The following FBXW4 variants were observed in gnomAD, a reference collection of about 807,000 sequenced individuals.
The protein encoded by FBXW4 is F-box and WD repeat domain containing 4.
In FBXW4, 40 loss-of-function variants were observed where a neutral mutation model predicts 61.8. That is an observed-to-expected ratio of 0.65 (90% CI 0.50 to 0.84). FBXW4 has a LOEUF of 0.84. FBXW4 is among the 40% of genes least tolerant of loss of function. The probability of loss-of-function intolerance (pLI) is 0.00; values close to 1 mark genes in which losing one functional copy is unlikely to be tolerated. For missense variants in FBXW4, 672 were observed against 753.8 expected, an observed-to-expected ratio of 0.89 and a Z score of 1.27; for synonymous variants, 311 against 313.8, an observed-to-expected ratio of 0.99 and a Z score of 0.10.
intron 5 of FBXW4, among the ~76,000 whole-genome samples, chr10:101,663,448 A>T (rs1204778895): frequency 6.6e-6 from 1 of 152,244 alleles, no homozygotes; most frequent in African/African-American, 2.4e-5. Flanking sequence ...TACTGTATTC[A>T]GCTGGAAATA....
chr10:101,668,735 G>A (rs2064331041), intron 4 of FBXW4, among the ~76,000 whole-genome samples: 1 of 152,106 alleles, frequency 6.6e-6, no homozygotes, highest in African/African-American at 2.4e-5. Context: ...CACTCACAGA[G>A]CCCTCTCAGC....
chr10:101,642,114 C>T (rs1214053842), intron 5 of FBXW4, among the ~76,000 whole-genome samples: 3 of 151,956 alleles, frequency 2.0e-5, no homozygotes, highest in East Asian at 3.9e-4. Context: ...TGCAGTGAGC[C>T]GAGACTGTGC....
chr10:101,642,675 G>A (rs2064063693), intron 5 of FBXW4, among the ~76,000 whole-genome samples: 3 of 152,144 alleles, frequency 2.0e-5, no homozygotes, highest in African/African-American at 7.2e-5. Context: ...CTCCTTGGTA[G>A]GCAAATAACA....
At chr10:101,641,739 T>TA (rs200687505) in intron 5 of FBXW4, among the ~76,000 whole-genome samples, 1,860 of 151,896 alleles carry the variant, frequency 0.012, 17 homozygotes, top group Non-Finnish European at 0.018. Flanking sequence ...CATTTGAAGT[T>TA]GTAAATCAGA....
At chr10:101,627,109 G>A (rs1440159585) in intron 5 of FBXW4, among the ~76,000 whole-genome samples, 1 of 140,828 alleles carries the variant, frequency 7.1e-6, no homozygotes, top group African/African-American at 2.6e-5. Flanking sequence ...GGCTGGTCTT[G>A]AGCTCCTGGG....
chr10:101,612,546 G>A (rs2063796829), intron 6 of FBXW4, 69 bp from the exon 7 acceptor site: 3 of 1,395,390 alleles, frequency 2.1e-6, no homozygotes, highest in Non-Finnish European at 2.8e-6. Flanking sequence ...ACCTTCAGAA[G>A]GCATCAGACC....
intron 5 of FBXW4, among the ~76,000 whole-genome samples, chr10:101,659,198 G>A (rs1425727831): frequency 6.6e-6 from 1 of 152,090 alleles, no homozygotes; most frequent in Non-Finnish European, 1.5e-5. Context: ...ACCTGCAGAG[G>A]GGTTGCCCCA....
chr10:101,611,871 T>C lies in FBXW4; in HGVS notation c.1443-102A>G. ...GGCTGAGGGGAGCGTTAAGGAGCCATTCCGGGATGGAAGAGAAAGAAGCCT... is the reference window on the plus strand; with the variant it reads ...GGCTGAGGGGAGCGTTAAGGAGCCACTCCGGGATGGAAGAGAAAGAAGCCT... On this transcript the variant is annotated intron_variant, in intron 7 of 8. Transcript: ENST00000331272. The surrounding 1 kb of genome is among the most constrained non-coding windows in gnomAD (Gnocchi z 4.9). 7.4e-7 allele frequency: 1 copy of C among 1,347,448 alleles called. No homozygotes were observed. Among genetic ancestry groups the C allele is most frequent in the Non-Finnish European group, 1.0e-6 (1 of 1,004,882 alleles). The allele number at this position is 1,347,448 out of a possible 1,614,324, so 83.5% of individuals were successfully genotyped here.
chr10:101,684,386 A>C (rs929669427), intron 1 of FBXW4, among the ~76,000 whole-genome samples: 2 of 152,190 alleles, frequency 1.3e-5, no homozygotes, highest in Non-Finnish European at 2.9e-5. Context: ...TTAGCCTCCC[A>C]AAGTGCTGGG....
At chr10:101,683,850 CAGGAA>C (rs986988165) in intron 1 of FBXW4, among the ~76,000 whole-genome samples, 6 of 152,162 alleles carry the variant, frequency 3.9e-5, no homozygotes, top group African/African-American at 1.4e-4. Flanking sequence ...GAAGGAAACT[CAGGAA>C]AGGAAAGTGT....
intron 5 of FBXW4, among the ~76,000 whole-genome samples, chr10:101,640,430 G>A (rs1427527286): frequency 6.8e-6 from 1 of 146,946 alleles, no homozygotes; most frequent in Non-Finnish European, 1.5e-5. Context: ...ATGGGGCAGA[G>A]TTTGGTTTAC....
chr10:101,651,664 C>T, intron 5 of FBXW4, among the ~76,000 whole-genome samples: 1 of 152,084 alleles, frequency 6.6e-6, no homozygotes, highest in Non-Finnish European at 1.5e-5. Flanking sequence ...TCCACTGCCT[C>T]CCGGGCCCTC....
intron 4 of FBXW4, among the ~76,000 whole-genome samples, chr10:101,671,665 C>G (rs1436474687): frequency 6.6e-6 from 1 of 152,140 alleles, no homozygotes; most frequent in African/African-American, 2.4e-5. Flanking sequence ...CTAGGTCACA[C>G]ATGCCACAAA....
intron 6 of FBXW4, among the ~76,000 whole-genome samples, chr10:101,615,937 G>A (rs1416028514): frequency 2.0e-5 from 3 of 152,154 alleles, no homozygotes; most frequent in Non-Finnish European, 4.4e-5. Context: ...GAGCACTCCT[G>A]AGTCACCACC....
At chr10:101,687,926 C>T (rs1329174931) in intron 1 of FBXW4, among the ~76,000 whole-genome samples, 1 of 152,218 alleles carries the variant, frequency 6.6e-6, no homozygotes, top group Admixed American at 6.5e-5. Context: ...TGAATGTCAA[C>T]TGGGGGCACA....
chr10:101,629,960 G>A (rs1458269631), intron 5 of FBXW4, among the ~76,000 whole-genome samples: 2 of 152,188 alleles, frequency 1.3e-5, no homozygotes, highest in Non-Finnish European at 2.9e-5. Context: ...GGCTGGCCTA[G>A]AGCCGCCCAG....
intron 5 of FBXW4, among the ~76,000 whole-genome samples, chr10:101,655,908 G>A (rs1403501864): frequency 1.3e-5 from 2 of 152,148 alleles, no homozygotes; most frequent in Non-Finnish European, 2.9e-5. Flanking sequence ...TTGGACCCAG[G>A]GCAAGAATCA....
chr10:101,662,363 C>T (rs1039705044), intron 5 of FBXW4, among the ~76,000 whole-genome samples: 18 of 152,146 alleles, frequency 1.2e-4, no homozygotes, highest in African/African-American at 3.6e-4. Context: ...AGGGGCAGCT[C>T]CTCCATCAAA....
chr10:101,615,320 T>C (rs1272020957), intron 6 of FBXW4, among the ~76,000 whole-genome samples: 7 of 151,916 alleles, frequency 4.6e-5, no homozygotes, highest in Admixed American at 4.6e-4. Flanking sequence ...TCCATTCCCT[T>C]CCAACTCCCG....
Sources: allele counts gnomAD v4.1 joint callset (sites outside exome capture counted in the v4.1 genomes callset), GRCh38; gene constraint gnomAD v4.1.1; non-coding constraint Gnocchi (gnomAD v3.1); transcripts MANE v1.5; gene names NCBI Gene and HGNC (gene_info 2026-07-23, HGNC 2026-07-21).